XRN2: variants seen among roughly 807,000 people sequenced by gnomAD.
XRN2 encodes the protein 5'-3' exoribonuclease 2.
A neutral mutation model predicts 138.5 loss-of-function variants in XRN2; 44 were observed. The observed-to-expected ratio is 0.32, with a 90% CI of 0.25 to 0.41. XRN2 has a LOEUF of 0.41. XRN2 is among the 10% of genes least tolerant of loss of function. XRN2 has a pLI of 1.00. For missense variants in XRN2, 937 were observed against 1,169.3 expected (o/e 0.80, Z 2.90); for synonymous variants, 354 against 369.4 (o/e 0.96, Z 0.48).
intron 27 of XRN2, among the ~76,000 whole-genome samples, chr20:21,371,145 G>A (rs1179404533): frequency 6.6e-6 from 1 of 152,172 alleles, no homozygotes; most frequent in Admixed American, 6.5e-5. Flanking sequence ...AACGTGCCAG[G>A]TTAAAATGGA....
chr20:21,319,416 T>C (rs562138698), intron 1 of XRN2, among the ~76,000 whole-genome samples: 6 of 152,298 alleles, frequency 3.9e-5, no homozygotes, highest in African/African-American at 1.4e-4. Flanking sequence ...TTACTTTTTG[T>C]TTTTTGTATG....
Position 21,365,675 on chromosome 20 carries a change from C to T in XRN2, c.2427C>T (p.His809=), listed in dbSNP as rs768969004. 2.5e-6 allele frequency: 4 copies of T among 1,573,854 alleles called. No homozygotes were observed. Among genetic ancestry groups the T allele is most frequent in the South Asian group, 2.2e-5 (2 of 90,162 alleles). Residue 809 remains histidine, a synonymous_variant, in exon 26 of 30, where the codon CAC becomes CAT. Transcript: ENST00000377191. ...LGFNRDRRPV[H]LDQAAFRTLG... ...TTAACCGTGACCGGAGGCCTGTGCA[C>T]CTGGATCAGGCAGCCTTCAGGACTT...
rs1014899490 is a variant in XRN2, at chr20:21,333,403, T to C, written c.859-141T>C. ...TTTATGGGTAATTTTTATTTTAAAA[T>C]GCATTGGTGAGCTTTTAAAAATTAA... is the stretch of plus-strand genomic sequence containing the variant. On this transcript the variant is annotated intron_variant, in intron 9 of 29. Coordinates refer to ENST00000377191, the MANE Select transcript of XRN2 (RefSeq NM_012255.5). 7 of 845,676 alleles carry C rather than the reference T, an allele frequency of 8.3e-6. No individual in the cohort carries two copies. The African/African-American group carries it at 1.0e-4, about 12-fold the overall frequency. The allele number at this position is 845,676 out of a possible 1,614,324, so 52.4% of individuals were successfully genotyped here.
At chr20:21,358,692 T>C (rs2038602936) in intron 24 of XRN2, among the ~76,000 whole-genome samples, 1 of 152,218 alleles carries the variant, frequency 6.6e-6, no homozygotes, top group Non-Finnish European at 1.5e-5. Flanking sequence ...CTAGAAAGGC[T>C]TTTATTTAAA....
chr20:21,311,200 C>T (rs6082384), intron 1 of XRN2, among the ~76,000 whole-genome samples: 103,137 of 152,088 alleles, frequency 0.68, 35,707 homozygotes, highest in South Asian at 0.83. Flanking sequence ...TCACCAATGT[C>T]TATTTCCAGA....
chr20:21,339,154 CATTACAGTAGCTTTATT>C, intron 14 of XRN2, 66 bp downstream of exon 14: 1 of 1,477,556 alleles, frequency 6.8e-7, no homozygotes, highest in Non-Finnish European at 9.4e-7. Context: ...GGAAGATGTT[CATTACAGTAGCTTTATT>C]CCTTGTCCAG....
intron 20 of XRN2, among the ~76,000 whole-genome samples, chr20:21,354,496 G>A (rs2038552225): frequency 6.6e-6 from 1 of 152,132 alleles, no homozygotes; most frequent in African/African-American, 2.4e-5. Flanking sequence ...TATCCAGGTA[G>A]CCATTTGTTC....
chr20:21,388,359 T>C (rs1468980669), intron 29 of XRN2, among the ~76,000 whole-genome samples: 1 of 152,232 alleles, frequency 6.6e-6, no homozygotes, highest in Non-Finnish European at 1.5e-5. Context: ...AATTGGTAAA[T>C]TTATTATTCT....
At chr20:21,334,900 A>G (rs1030053672) in intron 13 of XRN2, among the ~76,000 whole-genome samples, 2 of 152,066 alleles carry the variant, frequency 1.3e-5, no homozygotes, top group African/African-American at 2.4e-5. Flanking sequence ...AAGCAGTTGA[A>G]TGTGTATAAA....
At chr20:21,344,038 A>G in intron 15 of XRN2, 52 bp from the exon 16 acceptor site, 1 of 1,377,328 alleles carries the variant, frequency 7.3e-7, no homozygotes, top group Non-Finnish European at 1.0e-6. Flanking sequence ...GTACCTTCTT[A>G]TGTAAAATGA....
intron 24 of XRN2, among the ~76,000 whole-genome samples, chr20:21,362,797 T>C (rs1476060904): frequency 6.6e-6 from 1 of 152,206 alleles, no homozygotes; most frequent in African/African-American, 2.4e-5. Context: ...AAAGCATCTG[T>C]TGTATGTATC....
chr20:21,320,860 C>T, intron 1 of XRN2, among the ~76,000 whole-genome samples: 1 of 152,056 alleles, frequency 6.6e-6, no homozygotes, highest in East Asian at 1.9e-4. Flanking sequence ...TTTCTGACGT[C>T]AGTGTTTGGT....
intron 13 of XRN2, among the ~76,000 whole-genome samples, chr20:21,334,594 A>G (rs1381374534): frequency 2.0e-5 from 3 of 152,216 alleles, no homozygotes; most frequent in African/African-American, 7.2e-5. Flanking sequence ...CAGCCAGGGC[A>G]GAGGGTTGGG....
chr20:21,326,747 A>T, intron 3 of XRN2, 146 bp downstream of exon 3: 1 of 693,754 alleles, frequency 1.4e-6, no homozygotes, highest in South Asian at 2.0e-5. Flanking sequence ...ATTCATTCAG[A>T]TGTTTTTTTG....
intron 1 of XRN2, 162 bp downstream of exon 1, chr20:21,303,635 G>C: frequency 7.4e-7 from 1 of 1,356,120 alleles, no homozygotes; most frequent in Non-Finnish European, 9.4e-7. Flanking sequence ...ATGGGACGCG[G>C]GCTGTGGGAT....
chr20:21,335,500 T>G lies in XRN2; in HGVS notation c.1233+1315T>G, dbSNP rs1171212765. Among the ~76,000 whole-genome samples the G allele has an allele frequency of 2.0e-5, 3 of 152,326 alleles. No homozygotes were observed. In the East Asian group the frequency reaches 5.8e-4, roughly 29 times the overall value. ...TTATTTTTAAAACTTTGGGTGTCAT[T>G]TTATGTAACATAGTGGGTTGACTGT... On this transcript the variant is annotated intron_variant, in intron 13 of 29. Coordinates refer to ENST00000377191, the MANE Select transcript of XRN2 (RefSeq NM_012255.5).
chr20:21,367,091 G>C (rs537466314), intron 26 of XRN2, among the ~76,000 whole-genome samples: 1 of 152,074 alleles, frequency 6.6e-6, no homozygotes, highest in Admixed American at 6.5e-5. Flanking sequence ...GTGGTATCTC[G>C]TAGTTGCTTG....
Position 21,365,661 on chromosome 20 carries a change from C to G in XRN2, c.2413C>G (p.Arg805Gly). The change falls in exon 26 of 30, where the codon CGG becomes GGG. Residue 805 changes from arginine (R) to glycine (G), a missense_variant. Coordinates refer to ENST00000377191, the MANE Select transcript of XRN2 (RefSeq NM_012255.5). ...WKPQLGFNRD[R>G]RPVHLDQAAF... ...GCCTCAGCTTGGCTTTAACCGTGAC[C>G]GGAGGCCTGTGCACCTGGATCAGGC... The G allele has an allele frequency of 6.2e-7, 1 of 1,611,480 alleles. No homozygotes were observed. Among genetic ancestry groups the G allele is most frequent in the Non-Finnish European group, 8.5e-7 (1 of 1,179,330 alleles).
At chr20:21,383,656 A>G (rs1049330430) in intron 28 of XRN2, among the ~76,000 whole-genome samples, 1 of 152,184 alleles carries the variant, frequency 6.6e-6, no homozygotes, top group Admixed American at 6.5e-5. Flanking sequence ...TTCCACTTCT[A>G]AGGCCCCAAC....
Sources: gnomAD v4.1 joint callset for allele counts (sites outside exome capture counted in the v4.1 genomes callset) on GRCh38, gnomAD v4.1.1 for gene constraint, MANE v1.5 for transcripts, NCBI Gene and HGNC (gene_info 2026-07-23, HGNC 2026-07-21) for gene names.